PSD3: variants seen among roughly 807,000 people sequenced by gnomAD.
PSD3 encodes the protein PH and SEC7 domain-containing protein 3.
Under a neutral mutation model 105.5 loss-of-function variants are expected in PSD3, and 49 were observed. The observed-to-expected ratio is 0.46, with a 90% CI of 0.37 to 0.59. The LOEUF (loss-of-function observed/expected upper bound fraction) is 0.59. Ranked by LOEUF, PSD3 falls within the 20% of genes least tolerant of loss-of-function variation. The pLI is 0.00. For synonymous variants in PSD3, 557 were observed against 457.8 expected (o/e 1.22, Z -2.77); for missense variants, 1,561 against 1,263.8 (o/e 1.24, Z -3.57).
At chr8:18,808,261 G>A (rs779634519) in intron 4 of PSD3, among the ~76,000 whole-genome samples, 2 of 152,138 alleles carry the variant, frequency 1.3e-5, no homozygotes. Flanking sequence ...GTCAAAGAAA[G>A]GATTTTCTTC....
intron 15 of PSD3, among the ~76,000 whole-genome samples, chr8:18,542,413 C>G (rs1389347187): frequency 6.6e-6 from 1 of 152,150 alleles, no homozygotes; most frequent in Admixed American, 6.5e-5. Flanking sequence ...TTAGCCTCAT[C>G]AACATGAATT....
intron 1 of PSD3, among the ~76,000 whole-genome samples, chr8:18,997,558 T>C (rs999500401): frequency 6.6e-6 from 1 of 151,980 alleles, no homozygotes; most frequent in African/African-American, 2.4e-5. Context: ...ATGTCCCATC[T>C]TTATTTGAAA....
chr8:18,909,645 G>A (rs932368398), intron 2 of PSD3, among the ~76,000 whole-genome samples: 5 of 151,808 alleles, frequency 3.3e-5, no homozygotes, highest in South Asian at 2.1e-4. Context: ...TACCATGCCC[G>A]GCTAATTTTT....
At chr8:18,538,008 G>A (rs1799934364) in intron 15 of PSD3, among the ~76,000 whole-genome samples, 1 of 152,160 alleles carries the variant, frequency 6.6e-6, no homozygotes, top group Non-Finnish European at 1.5e-5. Context: ...TCCTTAACAT[G>A]GACATGACTC....
At chr8:18,689,676 A>C (rs186168751) in intron 9 of PSD3, among the ~76,000 whole-genome samples, 231 of 152,336 alleles carry the variant, frequency 1.5e-3, no homozygotes, top group Non-Finnish European at 1.9e-3. Context: ...ACTGAAACAG[A>C]GTAAAGTGAC....
At chr8:19,012,836 C>G (rs1827016646) in intron 1 of PSD3, among the ~76,000 whole-genome samples, 2 of 152,196 alleles carry the variant, frequency 1.3e-5, no homozygotes, top group Admixed American at 1.3e-4. Context: ...AATCCTGGAT[C>G]CCGCTATCGG....
intron 1 of PSD3, among the ~76,000 whole-genome samples, chr8:19,024,183 G>A (rs555302175): frequency 8.0e-4 from 122 of 152,252 alleles, no homozygotes; most frequent in African/African-American, 2.7e-3. Context: ...TTCTATCAAA[G>A]GGGGATTCCA....
intron 13 of PSD3, among the ~76,000 whole-genome samples, chr8:18,574,050 C>T (rs912148887): frequency 2.0e-5 from 3 of 151,944 alleles, no homozygotes; most frequent in Non-Finnish European, 2.9e-5. Flanking sequence ...CCAGAAAGCC[C>T]AAGATTCACA....
chr8:19,034,354 A>T (rs1277798639), intron 1 of PSD3, among the ~76,000 whole-genome samples: 1 of 152,194 alleles, frequency 6.6e-6, no homozygotes, highest in Admixed American at 6.5e-5. Flanking sequence ...TGCAAAATTC[A>T]TGGAATCATA....
intron 8 of PSD3, among the ~76,000 whole-genome samples, chr8:18,793,795 T>G (rs73595733): frequency 0.032 from 4,898 of 152,252 alleles, 271 homozygotes; most frequent in African/African-American, 0.11. Context: ...GATGAGAGGA[T>G]AGCCTGCAAA....
At chr8:19,051,985 A>G (rs757882734) in intron 1 of PSD3, among the ~76,000 whole-genome samples, 6 of 152,372 alleles carry the variant, frequency 3.9e-5, no homozygotes, top group Non-Finnish European at 7.3e-5. Context: ...TAGAAATAAA[A>G]TTAGATCAAA....
chr8:18,779,456 C>T (rs1336032959), intron 8 of PSD3, among the ~76,000 whole-genome samples: 1 of 150,100 alleles, frequency 6.7e-6, no homozygotes, highest in African/African-American at 2.4e-5. Flanking sequence ...TTTAGTTCTG[C>T]TCTGACTTTA....
At chr8:19,026,880 C>T (rs1232073274) in intron 1 of PSD3, among the ~76,000 whole-genome samples, 5 of 151,390 alleles carry the variant, frequency 3.3e-5, no homozygotes, top group Admixed American at 3.3e-4. Context: ...CCCCCCCACC[C>T]AAAAATATAT....
chr8:18,656,617 T>A (rs565966891), intron 9 of PSD3, among the ~76,000 whole-genome samples: 1 of 152,286 alleles, frequency 6.6e-6, no homozygotes, highest in South Asian at 2.1e-4. Context: ...GTAACAATAA[T>A]GGTAAAGTCA....
intron 8 of PSD3, 60 bp from the exon 9 acceptor site, chr8:18,765,598 A>C: frequency 7.6e-7 from 1 of 1,313,954 alleles, no homozygotes; most frequent in African/African-American, 1.5e-5. Flanking sequence ...CTGATTCATA[A>C]ATATATGATG....
chr8:18,884,289 T>A (rs1259530254), intron 2 of PSD3, among the ~76,000 whole-genome samples: 1 of 152,182 alleles, frequency 6.6e-6, no homozygotes, highest in Non-Finnish European at 1.5e-5. Flanking sequence ...CGTTTAATAA[T>A]CAATAAACTT....
chr8:18,577,401 A>T (rs964147943), intron 12 of PSD3, among the ~76,000 whole-genome samples: 14 of 152,126 alleles, frequency 9.2e-5, no homozygotes, highest in African/African-American at 2.6e-4. Context: ...TTTATATTCA[A>T]GTTTATTGAC....
At position 18,923,913 on chromosome 8, in the gene PSD3, T is replaced by TA. The variant is rs1246219074; in HGVS notation, c.130+12120_130+12121insT. Among the ~76,000 whole-genome samples, 970 of 152,108 alleles carry TA rather than the reference T, an allele frequency of 6.4e-3. 13 individuals carry two copies. Among genetic ancestry groups the TA allele is most frequent in the African/African-American group, 0.023 (936 of 41,480 alleles). On this transcript the variant is annotated intron_variant, in intron 2 of 15. Coordinates refer to ENST00000327040, the MANE Select transcript of PSD3 (RefSeq NM_015310.4). ...ATATATATATACATATATGTGTGTG[T>TA]TTTATATATATATACATATATTAAA...
chr8:18,643,270 C>T (rs917751108), intron 10 of PSD3, among the ~76,000 whole-genome samples: 40 of 152,164 alleles, frequency 2.6e-4, no homozygotes, highest in African/African-American at 9.2e-4. Flanking sequence ...CAACCTTAAT[C>T]CACTCATAGC....
Sources: gnomAD v4.1 joint callset for allele counts (sites outside exome capture counted in the v4.1 genomes callset) on GRCh38, gnomAD v4.1.1 for gene constraint, MANE v1.5 for transcripts, NCBI Gene and HGNC (gene_info 2026-07-23, HGNC 2026-07-21) for gene names.